Variants in PKNOX2 observed in about 807,000 individuals in gnomAD.
PKNOX2 encodes the protein PBX/knotted 1 homeobox 2, also known as homeobox protein PKNOX2.
PKNOX2 carries 14 observed loss-of-function variants against 53.1 expected under a neutral mutation model. The observed-to-expected ratio is 0.26, with a 90% confidence interval of 0.17 to 0.41. The LOEUF is 0.41. Ranked by LOEUF, PKNOX2 falls within the 10% of genes least tolerant of loss-of-function variation. PKNOX2 has a pLI of 1.00. For synonymous variants in PKNOX2, 257 were observed against 242.8 expected (o/e 1.06, Z -0.54); for missense variants, 496 against 602.8 (o/e 0.82, Z 1.85).
chr11:125,285,290 C>T (rs759734937), intron 2 of PKNOX2, among the ~76,000 whole-genome samples: 1 of 152,100 alleles, frequency 6.6e-6, no homozygotes, highest in Non-Finnish European at 1.5e-5. Context: ...TGAGAAGGAA[C>T]GTTGGGAAAA....
intron 1 of PKNOX2, among the ~76,000 whole-genome samples, chr11:125,188,916 G>A (rs1408871226): frequency 6.6e-6 from 1 of 151,710 alleles, no homozygotes; most frequent in Non-Finnish European, 1.5e-5. Flanking sequence ...GTGAAAGGAC[G>A]TGGCACCCTG....
rs559048876 is a variant in PKNOX2, at chr11:125,192,695, G to A, written c.-201+27919G>A. ...AAGGGAGGTGTTTGCCCATTTTCTG[G>A]ATGGGGAACCCAGGCCAGGTGGGAG... On this transcript the variant is annotated intron_variant, in intron 1 of 12. Transcript: ENST00000298282. Among the ~76,000 whole-genome samples the A allele has an allele frequency of 7.2e-5, 11 of 152,270 alleles. No homozygotes were observed. In the South Asian group the frequency reaches 2.1e-3, roughly 29 times the overall value.
At chr11:125,211,936 G>A (rs1277984871) in intron 1 of PKNOX2, among the ~76,000 whole-genome samples, 5 of 152,152 alleles carry the variant, frequency 3.3e-5, no homozygotes, top group Admixed American at 6.5e-5. Context: ...CGATGTATTT[G>A]GTTTCCTATA....
intron 8 of PKNOX2, 68 bp downstream of exon 8, chr11:125,410,393 G>A (rs547276731): frequency 1.2e-5 from 19 of 1,593,434 alleles, no homozygotes; most frequent in South Asian, 6.7e-5. Flanking sequence ...GCCCCGAGGC[G>A]GTTCCAGGGG....
intron 2 of PKNOX2, among the ~76,000 whole-genome samples, chr11:125,260,128 T>A (rs539029714): frequency 6.6e-6 from 1 of 152,244 alleles, no homozygotes; most frequent in African/African-American, 2.4e-5. Context: ...TCCTCCCGCC[T>A]CAGCCCCCCA....
chr11:125,383,817 T>C (rs1480616053), intron 5 of PKNOX2, among the ~76,000 whole-genome samples: 1 of 152,192 alleles, frequency 6.6e-6, no homozygotes, highest in Admixed American at 6.5e-5. Flanking sequence ...TTCCCACCAT[T>C]GCAGAAAGTT....
At chr11:125,268,686 C>G (rs1007827028) in intron 2 of PKNOX2, among the ~76,000 whole-genome samples, 1 of 152,040 alleles carries the variant, frequency 6.6e-6, no homozygotes, top group Admixed American at 6.6e-5. Context: ...GGCAGGGGGG[C>G]CTGGGGCTGT....
chr11:125,392,003 A>G (rs1343623712), intron 6 of PKNOX2, among the ~76,000 whole-genome samples: 1 of 152,264 alleles, frequency 6.6e-6, no homozygotes, highest in Non-Finnish European at 1.5e-5. Context: ...TTGTAAACAC[A>G]GGATAGAGGA....
chr11:125,304,103 G>A (rs1289193016), intron 2 of PKNOX2, among the ~76,000 whole-genome samples: 2 of 152,188 alleles, frequency 1.3e-5, no homozygotes, highest in African/African-American at 2.4e-5. Flanking sequence ...TTGGCCTGAT[G>A]GATCCGGGAA....
intron 1 of PKNOX2, among the ~76,000 whole-genome samples, chr11:125,212,084 T>C (rs1283502416): frequency 6.6e-6 from 1 of 152,136 alleles, no homozygotes; most frequent in Non-Finnish European, 1.5e-5. Context: ...ATCCTTTTCA[T>C]GTTGATTAAG....
At chr11:125,314,233 G>C (rs1374469659) in intron 2 of PKNOX2, among the ~76,000 whole-genome samples, 1 of 152,096 alleles carries the variant, frequency 6.6e-6, no homozygotes, top group Non-Finnish European at 1.5e-5. Context: ...TCACCAAAGA[G>C]AGGCACCTGG....
chr11:125,323,226 T>C (rs1189887298), intron 2 of PKNOX2, among the ~76,000 whole-genome samples: 1 of 152,004 alleles, frequency 6.6e-6, no homozygotes, highest in Non-Finnish European at 1.5e-5. Flanking sequence ...TGAGCCCAGG[T>C]CAAAATCACC....
intron 2 of PKNOX2, chr11:125,330,473 G>A (rs1250935988): frequency 6.6e-6 from 1 of 152,174 alleles, no homozygotes; most frequent in Non-Finnish European, 1.5e-5. Flanking sequence ...CTCTTGGAAG[G>A]AGCCTGGGGT....
chr11:125,385,575 G>T lies in PKNOX2; in HGVS notation c.252G>T (p.Thr84=). The T allele has an allele frequency of 1.2e-6, 2 of 1,611,112 alleles. No individual in the cohort carries two copies. The highest frequency in any genetic ancestry group is 2.2e-5 in the East Asian group (1 of 44,650). Residue 84 remains threonine (T), a synonymous_variant, in exon 6 of 13, where the codon ACG becomes ACT. Coordinates refer to ENST00000298282, the MANE Select transcript of PKNOX2 (RefSeq NM_001382323.2). ...VYRHPLFPLL[T]LLFEKCEQAT... ...GGCACCCTCTTTTCCCGCTCCTGAC[G>T]CTGCTGTTTGAGAAATGTGAACAGG...
At chr11:125,367,796 C>A (rs764081030) in intron 4 of PKNOX2, 50 bp from the exon 5 acceptor site, 1 of 1,584,016 alleles carries the variant, frequency 6.3e-7, no homozygotes, top group Admixed American at 1.7e-5. Context: ...GCCTGGAGAC[C>A]AGCACCCTGG....
intron 2 of PKNOX2, among the ~76,000 whole-genome samples, chr11:125,310,292 C>T (rs892041678): frequency 2.0e-5 from 3 of 151,860 alleles, no homozygotes; most frequent in East Asian, 1.9e-4. Flanking sequence ...GTCAGGAGTT[C>T]GAGACCAGCC....
intron 2 of PKNOX2, among the ~76,000 whole-genome samples, chr11:125,246,224 G>A (rs1943552636): frequency 6.6e-6 from 1 of 152,138 alleles, no homozygotes; most frequent in Non-Finnish European, 1.5e-5. Flanking sequence ...ATCTGGCAGG[G>A]GCCTTCTTGC....
At chr11:125,293,534 C>T (rs1254856713) in intron 2 of PKNOX2, among the ~76,000 whole-genome samples, 2 of 152,170 alleles carry the variant, frequency 1.3e-5, no homozygotes, top group Admixed American at 6.5e-5. Flanking sequence ...TCTGGCTTGA[C>T]AGACACCCCA....
At chr11:125,400,010 C>T (rs905162564) in intron 7 of PKNOX2, among the ~76,000 whole-genome samples, 1 of 152,252 alleles carries the variant, frequency 6.6e-6, no homozygotes, top group Non-Finnish European at 1.5e-5. Flanking sequence ...TCCCGGCACT[C>T]AGCCTTCTGA....
Sources: allele counts gnomAD v4.1 joint callset (sites outside exome capture counted in the v4.1 genomes callset), GRCh38; gene constraint gnomAD v4.1.1; transcripts MANE v1.5; gene names NCBI Gene and HGNC (gene_info 2026-07-23, HGNC 2026-07-21).